Variants in ZNF385D observed in about 807,000 individuals in gnomAD.
ZNF385D encodes the protein zinc finger protein 385D.
ZNF385D carries 15 observed loss-of-function variants against 35.8 expected under a neutral mutation model. The ratio of observed to expected loss-of-function variants is 0.42; its 90% CI spans 0.28 to 0.64. ZNF385D has a LOEUF of 0.64. ZNF385D is among the 30% of genes least tolerant of loss of function. The pLI is 0.23. For synonymous variants in ZNF385D, 212 were observed against 186.8 expected, an observed-to-expected ratio of 1.13 and a Z score of -1.10; for missense variants, 474 against 494.6, an observed-to-expected ratio of 0.96 and a Z score of 0.39.
rs1296590534 is a variant in ZNF385D at position 22,008,232 on chromosome 3, CTT to C, written c.325+160583_325+160584del. Reference sequence around the variant, plus strand: ...ATAAGGTAGACTAGGAAAATACACACTTGTCATCAAAGGGAGATGACAAGGAA... The same window carrying C: ...ATAAGGTAGACTAGGAAAATACACACGTCATCAAAGGGAGATGACAAGGAA... On this transcript the variant is annotated intron_variant, in intron 3 of 5. Coordinates refer to the ZNF385D transcript ENST00000494108. 2.6e-5 allele frequency among the ~76,000 whole-genome samples: 4 copies of C among 152,140 alleles called. No individual in the cohort carries two copies. The East Asian group carries it at 7.7e-4, about 29-fold the overall frequency.
chr3:22,297,472 C>T lies in ZNF385D; in HGVS notation c.106+74978G>A, dbSNP rs562632813. 3.9e-5 allele frequency among the ~76,000 whole-genome samples: 6 copies of T among 152,080 alleles called. No homozygotes were observed. In the South Asian group the frequency reaches 6.2e-4, roughly 16 times the overall value. On this transcript the variant is annotated intron_variant, in intron 2 of 5. Coordinates refer to the ZNF385D transcript ENST00000494108. ...TAGATATAGTCTATAAAGGGACAAG[C>T]CCCTTGAGCGGCAAACTTTTTACCT... is the stretch of plus-strand genomic sequence containing the variant.
intron 2 of ZNF385D, among the ~76,000 whole-genome samples, chr3:22,226,801 C>G (rs1698584379): frequency 6.6e-6 from 1 of 152,090 alleles, no homozygotes; most frequent in African/African-American, 2.4e-5. Flanking sequence ...CATTATCTGT[C>G]ATTTGATTAT....
intron 1 of ZNF385D, 40 bp downstream of exon 1, chr3:21,750,855 C>T: frequency 6.2e-7 from 1 of 1,612,576 alleles, no homozygotes; most frequent in South Asian, 1.1e-5. Context: ...GATGAAGAGC[C>T]GGACACCCCC....
At chr3:21,509,606 A>C (rs1575076209) in intron 4 of ZNF385D, among the ~76,000 whole-genome samples, 1 of 152,282 alleles carries the variant, frequency 6.6e-6, no homozygotes, top group Non-Finnish European at 1.5e-5. Context: ...TGGTGGCACA[A>C]ACTTGGCTAT....
chr3:22,082,678 T>G (rs1215326145), intron 3 of ZNF385D, among the ~76,000 whole-genome samples: 1 of 152,208 alleles, frequency 6.6e-6, no homozygotes, highest in East Asian at 1.9e-4. Flanking sequence ...CATCCCTGTC[T>G]GACAGCTCTG....
chr3:22,332,317 C>T (rs1005247200), intron 2 of ZNF385D, among the ~76,000 whole-genome samples: 2 of 152,258 alleles, frequency 1.3e-5, no homozygotes, highest in South Asian at 2.1e-4. Flanking sequence ...CAGTAACTAA[C>T]AGGTTTTCAC....
intron 3 of ZNF385D, among the ~76,000 whole-genome samples, chr3:22,041,878 A>T (rs1169121752): frequency 6.6e-6 from 1 of 152,126 alleles, no homozygotes; most frequent in Non-Finnish European, 1.5e-5. Flanking sequence ...TCAGGTTATA[A>T]TATCTGTGTT....
intron 3 of ZNF385D, among the ~76,000 whole-genome samples, chr3:22,032,157 T>C (rs939151231): frequency 1.3e-5 from 2 of 152,214 alleles, no homozygotes; most frequent in African/African-American, 2.4e-5. Flanking sequence ...AACAAGTCTC[T>C]AGGAACTTCC....
chr3:21,923,053 CTTTAAG>C (rs1012139663), intron 3 of ZNF385D, among the ~76,000 whole-genome samples: 2 of 151,922 alleles, frequency 1.3e-5, no homozygotes, highest in East Asian at 1.9e-4. Context: ...TTTTATTATA[CTTTAAG>C]TTTTAGGGTA....
chr3:22,131,916 A>C (rs938236420), intron 3 of ZNF385D, among the ~76,000 whole-genome samples: 1 of 152,192 alleles, frequency 6.6e-6, no homozygotes, highest in African/African-American at 2.4e-5. Context: ...CTGGAGGCTG[A>C]TGCTAATGAA....
intron 3 of ZNF385D, among the ~76,000 whole-genome samples, chr3:21,962,984 G>C (rs745945867): frequency 6.6e-6 from 1 of 152,106 alleles, no homozygotes; most frequent in Non-Finnish European, 1.5e-5. Flanking sequence ...CTGACAACTA[G>C]TGTTTTATAA....
chr3:22,125,488 G>T (rs1181528796), intron 3 of ZNF385D, among the ~76,000 whole-genome samples: 3 of 152,038 alleles, frequency 2.0e-5, no homozygotes, highest in Non-Finnish European at 4.4e-5. Context: ...CATTGAACTT[G>T]TGGATTGCTT....
At chr3:21,587,136 T>C (rs1348393741) in intron 2 of ZNF385D, among the ~76,000 whole-genome samples, 5 of 152,214 alleles carry the variant, frequency 3.3e-5, no homozygotes, top group African/African-American at 1.2e-4. Context: ...CGCAGATGAA[T>C]TGTCCTGTGT....
At chr3:22,310,819 T>C (rs1703497787) in intron 2 of ZNF385D, among the ~76,000 whole-genome samples, 1 of 151,888 alleles carries the variant, frequency 6.6e-6, no homozygotes, top group Non-Finnish European at 1.5e-5. Flanking sequence ...TCTATTAAAA[T>C]ATAATTTTAT....
chr3:21,982,391 G>A (rs549433832), intron 3 of ZNF385D, among the ~76,000 whole-genome samples: 2 of 152,058 alleles, frequency 1.3e-5, no homozygotes, highest in African/African-American at 2.4e-5. Flanking sequence ...TTTGGCTGTT[G>A]TTGGTGTCTA....
chr3:22,218,255 T>C (rs1310692448), intron 2 of ZNF385D, among the ~76,000 whole-genome samples: 1 of 152,118 alleles, frequency 6.6e-6, no homozygotes, highest in Non-Finnish European at 1.5e-5. Context: ...CATTGTAGGC[T>C]TTTCAGCATA....
At chr3:21,846,744 C>A (rs1696029805) in intron 3 of ZNF385D, among the ~76,000 whole-genome samples, 1 of 151,976 alleles carries the variant, frequency 6.6e-6, no homozygotes, top group Non-Finnish European at 1.5e-5. Context: ...ATGGGAAAGG[C>A]TCAAAGAAGT....
intron 1 of ZNF385D, among the ~76,000 whole-genome samples, chr3:21,695,759 A>T (rs115761253): frequency 0.026 from 3,637 of 140,230 alleles, 136 homozygotes; most frequent in African/African-American, 0.086. Flanking sequence ...AATATATATT[A>T]TATATATATA....
intron 4 of ZNF385D, chr3:21,441,609 A>G: frequency 1.3e-6 from 1 of 782,462 alleles, no homozygotes; most frequent in South Asian, 5.8e-5. Context: ...TCCAAATACC[A>G]TAATGCTAAG....
Sources: gnomAD v4.1 joint callset for allele counts (sites outside exome capture counted in the v4.1 genomes callset) on GRCh38, gnomAD v4.1.1 for gene constraint, MANE v1.5 for transcripts, NCBI Gene and HGNC (gene_info 2026-07-23, HGNC 2026-07-21) for gene names.